The following MTA1 variants were observed in gnomAD, a reference collection of about 807,000 sequenced individuals.
MTA1 encodes metastasis-associated protein MTA1.
In MTA1, 15 loss-of-function variants were observed where a neutral mutation model predicts 97.0. The observed-to-expected ratio is 0.15, with a 90% CI of 0.10 to 0.24. MTA1 has a LOEUF of 0.24. Ranked by LOEUF, MTA1 falls within the 10% of genes least tolerant of loss-of-function variation. The probability of loss-of-function intolerance (pLI) is 1.00; values close to 1 mark genes in which losing one functional copy is unlikely to be tolerated. For synonymous variants in MTA1, 435 were observed against 417.5 expected, an observed-to-expected ratio of 1.04 and a Z score of -0.51; for missense variants, 709 against 1,015.1, an observed-to-expected ratio of 0.70 and a Z score of 4.10.
At chr14:105,441,460 G>A (rs868985891) in intron 2 of MTA1, among the ~76,000 whole-genome samples, 14 of 152,200 alleles carry the variant, frequency 9.2e-5, no homozygotes, top group African/African-American at 2.6e-4. Flanking sequence ...GGGGCGGGGC[G>A]GGGGGGCTTT....
At position 105,450,383 on chromosome 14, in the gene MTA1, C is replaced by T. The variant is rs1226026547; in HGVS notation, c.432+59C>T. 3.2e-6 allele frequency: 5 copies of T among 1,551,032 alleles called. No homozygotes were observed. In the South Asian group the frequency reaches 4.7e-5, roughly 15 times the overall value. ...AGTCCCGGGCCACTGTTTCCTCTAC[C>T]TATGACCTCTGCTGGCCTGGGCGGC... On this transcript the variant is annotated intron_variant, in intron 6 of 20. Transcript: ENST00000331320.
In MTA1 at chr14:105,440,010, C is replaced by T. The variant is rs147345379; in HGVS notation, c.96+1271C>T. On this transcript the variant is annotated intron_variant, in intron 2 of 20. Transcript: ENST00000331320. ...TGCGCTTGTCGAGGGCCATTCCCTG[C>T]GGTATCTGCCACCACCTGGGGCCGA... is the stretch of plus-strand genomic sequence containing the variant. 7.3e-3 allele frequency among the ~76,000 whole-genome samples: 1,112 copies of T among 152,310 alleles called. 17 individuals carry two copies. The highest frequency in any genetic ancestry group is 0.023 in the African/African-American group (942 of 41,570).
intron 1 of MTA1, among the ~76,000 whole-genome samples, chr14:105,421,707 C>T (rs1314436480): frequency 6.6e-6 from 1 of 152,260 alleles, no homozygotes; most frequent in African/African-American, 2.4e-5. Context: ...CGTCTCTCAG[C>T]CGTCCTTTTG....
intron 18 of MTA1, chr14:105,468,398 T>C: frequency 1.5e-6 from 2 of 1,300,502 alleles, no homozygotes; most frequent in African/African-American, 1.5e-5. Flanking sequence ...GGGCCTTGGC[T>C]TGTGGCAGGT....
At chr14:105,430,839 T>G (rs897021709) in intron 1 of MTA1, among the ~76,000 whole-genome samples, 1 of 152,190 alleles carries the variant, frequency 6.6e-6, no homozygotes, top group African/African-American at 2.4e-5. Flanking sequence ...ATGAAGATTA[T>G]ATGAAATTCA....
At position 105,463,475 on chromosome 14, in the gene MTA1, C is replaced by G; in HGVS notation, c.1018-18C>G. 4 of 1,613,042 alleles carry G rather than the reference C, an allele frequency of 2.5e-6. No individual in the cohort carries two copies. Among genetic ancestry groups the G allele is most frequent in the Non-Finnish European group, 3.4e-6 (4 of 1,179,856 alleles). On this transcript the variant is annotated intron_variant, in intron 11 of 20. Coordinates refer to ENST00000331320, the MANE Select transcript of MTA1 (RefSeq NM_004689.4). The surrounding 1 kb of genome is among the most constrained non-coding windows in gnomAD (Gnocchi z 5.9). Reference sequence around the variant, plus strand: ...TGGGCCTAGCCTGCTGACCTCTGACCTTCTCTTTTGTTTTAAGAAACGCTT... The same window carrying G: ...TGGGCCTAGCCTGCTGACCTCTGACGTTCTCTTTTGTTTTAAGAAACGCTT...
At chr14:105,426,208 C>T (rs2082007055) in intron 1 of MTA1, among the ~76,000 whole-genome samples, 1 of 152,044 alleles carries the variant, frequency 6.6e-6, no homozygotes, top group Non-Finnish European at 1.5e-5. Context: ...CCGTCCGTGC[C>T]CTGCCAGGCT....
At chr14:105,457,526 G>T (rs954067116) in intron 7 of MTA1, among the ~76,000 whole-genome samples, 4 of 152,234 alleles carry the variant, frequency 2.6e-5, no homozygotes, top group African/African-American at 4.8e-5. Flanking sequence ...TGGAAGAGGG[G>T]CCAGGAGGGA....
intron 16 of MTA1, 40 bp from the exon 17 acceptor site, chr14:105,466,385 TG>T: frequency 6.4e-7 from 1 of 1,574,374 alleles, no homozygotes; most frequent in Non-Finnish European, 8.7e-7. Flanking sequence ...CCTCCCCTGC[TG>T]GGCAGAGGCA....
chr14:105,464,900 C>T lies in MTA1; in HGVS notation c.1534+37C>T, dbSNP rs148402666. ...CAACGCCCCGCTTACTCTGTTCCTG[C>T]GGGTGGTGGGGAGAGAGCAGCAACC... On this transcript the variant is annotated intron_variant, in intron 15 of 20. Transcript: ENST00000331320. The T allele has an allele frequency of 3.0e-5, 45 of 1,524,510 alleles. No homozygotes were observed. The highest frequency in any genetic ancestry group is 2.1e-4 in the South Asian group (17 of 80,452). The allele number at this position is 1,524,510 out of a possible 1,614,324, so 94.4% of individuals were successfully genotyped here.
Position 105,466,764 on chromosome 14 carries a change from G to A in MTA1, c.1813+22G>A, listed in dbSNP as rs145579795. 7.0e-4 allele frequency: 1,097 copies of A among 1,562,560 alleles called. 30 individuals carry two copies. The East Asian group carries it at 0.024, about 34-fold the overall frequency. On this transcript the variant is annotated intron_variant, in intron 18 of 20. Coordinates refer to ENST00000331320, the MANE Select transcript of MTA1 (RefSeq NM_004689.4). ...AGGGGTAAGGCCTGGAGCCGCGGGC[G>A]GGCGCTGCGCCGGCCCCGCCCGTGA...
intron 1 of MTA1, among the ~76,000 whole-genome samples, chr14:105,431,210 C>T (rs1342093998): frequency 6.6e-6 from 1 of 151,966 alleles, no homozygotes; most frequent in Admixed American, 6.6e-5. Flanking sequence ...TTACAGGCGC[C>T]CACCACCACG....
Position 105,454,325 on chromosome 14 carries a change from C to A in MTA1, c.550+15C>A. On this transcript the variant is annotated intron_variant, in intron 7 of 20. Transcript: ENST00000331320. ...GTTAAAAGAAGGTAGGGTGGGCCGC[C>A]CTGGGCATGGAGCCCTCTGTCCTGT... 6.3e-7 allele frequency: 1 copy of A among 1,587,108 alleles called. No individual in the cohort carries two copies.
chr14:105,468,070 G>C (rs1468394438), intron 18 of MTA1: 2 of 352,284 alleles, frequency 5.7e-6, no homozygotes, highest in Admixed American at 3.7e-5. Context: ...CCAGGACCTG[G>C]GCGCTGGAGA....
intron 7 of MTA1, among the ~76,000 whole-genome samples, chr14:105,457,800 C>A (rs952745058): frequency 3.0e-4 from 45 of 152,216 alleles, no homozygotes; most frequent in Middle Eastern, 6.8e-3. Flanking sequence ...GTGTCGGTGC[C>A]TGTGGTCCCA....
chr14:105,438,768 G>T (rs2082405907), intron 2 of MTA1, 29 bp downstream of exon 2: 2 of 1,610,070 alleles, frequency 1.2e-6, no homozygotes, highest in Non-Finnish European at 1.7e-6. Context: ...GTTGCTGCAG[G>T]GGGGTAGTGG....
At position 105,457,840 on chromosome 14, in the gene MTA1, G is replaced by A. The variant is rs587717569; in HGVS notation, c.551-430G>A. On this transcript the variant is annotated intron_variant, in intron 7 of 20. Coordinates refer to ENST00000331320, the MANE Select transcript of MTA1 (RefSeq NM_004689.4). Reference sequence around the variant, plus strand: ...CTCAGGAGGCTGAGGCAGGAGAATCGCTTGAACCTGGGAGGCGGAGGTTGT... The same window carrying A: ...CTCAGGAGGCTGAGGCAGGAGAATCACTTGAACCTGGGAGGCGGAGGTTGT... Among the ~76,000 whole-genome samples, 934 of 152,152 alleles carry A rather than the reference G, an allele frequency of 6.1e-3. 2 individuals are homozygous for A. Among genetic ancestry groups the A allele is most frequent in the Non-Finnish European group, 0.011 (719 of 67,992 alleles).
chr14:105,431,958 T>G (rs2082190025), intron 1 of MTA1, among the ~76,000 whole-genome samples: 1 of 152,212 alleles, frequency 6.6e-6, no homozygotes, highest in East Asian at 1.9e-4. Flanking sequence ...CATGCCTTAT[T>G]GAACCAGTAG....
At chr14:105,465,280 G>C in intron 16 of MTA1, 97 bp downstream of exon 16, 1 of 1,139,102 alleles carries the variant, frequency 8.8e-7, no homozygotes, top group Non-Finnish European at 1.2e-6. Flanking sequence ...CTCTAGCTGG[G>C]AGCTCCTGGA....
Sources: gnomAD v4.1 joint callset for allele counts (sites outside exome capture counted in the v4.1 genomes callset) on GRCh38, gnomAD v4.1.1 for gene constraint, Gnocchi (gnomAD v3.1) non-coding constraint, MANE v1.5 for transcripts, NCBI Gene and HGNC (gene_info 2026-07-23, HGNC 2026-07-21) for gene names.